The following GPC5 variants were observed in gnomAD, a reference collection of about 807,000 sequenced individuals.
GPC5 encodes glypican-5.
A neutral mutation model predicts 53.9 loss-of-function variants in GPC5; 47 were observed. That is an observed-to-expected ratio of 0.87 (90% CI 0.69 to 1.11). The LOEUF (loss-of-function observed/expected upper bound fraction) is 1.11, where lower values mean the gene tolerates loss of function less well. Among genes scored for constraint, GPC5 ranks in the 50% most tolerant of loss-of-function variants. GPC5 has a pLI of 0.00. For synonymous variants in GPC5, 286 were observed against 263.3 expected, an observed-to-expected ratio of 1.09 and a Z score of -0.84; for missense variants, 748 against 713.1, an observed-to-expected ratio of 1.05 and a Z score of -0.56.
chr13:91,494,873 T>C (rs1219926487), intron 2 of GPC5, among the ~76,000 whole-genome samples: 1 of 152,206 alleles, frequency 6.6e-6, no homozygotes, highest in Non-Finnish European at 1.5e-5. Flanking sequence ...TTCTTACTTA[T>C]TTTCTTCTTT....
intron 7 of GPC5, among the ~76,000 whole-genome samples, chr13:92,174,595 A>T (rs1264163236): frequency 1.3e-5 from 2 of 152,038 alleles, no homozygotes; most frequent in African/African-American, 2.4e-5. Flanking sequence ...TAAATAACTC[A>T]TTACTTCATT....
chr13:92,414,491 C>A (rs1264288830), intron 7 of GPC5, among the ~76,000 whole-genome samples: 4 of 138,956 alleles, frequency 2.9e-5, no homozygotes, highest in African/African-American at 1.1e-4. Context: ...GGCGATAGAG[C>A]GAGACTCTGT....
At chr13:91,503,304 C>T (rs1884749563) in intron 2 of GPC5, among the ~76,000 whole-genome samples, 1 of 151,950 alleles carries the variant, frequency 6.6e-6, no homozygotes, top group South Asian at 2.1e-4. Flanking sequence ...AAAAATGACT[C>T]AAGGAAAGGA....
intron 2 of GPC5, among the ~76,000 whole-genome samples, chr13:91,531,946 C>T (rs760227875): frequency 3.9e-5 from 6 of 152,098 alleles, no homozygotes; most frequent in East Asian, 3.9e-4. Context: ...ATGTGTTACT[C>T]GCAGTGACAT....
At chr13:92,256,201 A>T (rs562647579) in intron 7 of GPC5, among the ~76,000 whole-genome samples, 7 of 151,886 alleles carry the variant, frequency 4.6e-5, no homozygotes, top group Non-Finnish European at 1.0e-4. Flanking sequence ...TTTTTGTAGT[A>T]TAATTACTGA....
At chr13:91,564,617 A>AT (rs2031441757) in intron 2 of GPC5, among the ~76,000 whole-genome samples, 1 of 152,202 alleles carries the variant, frequency 6.6e-6, no homozygotes, top group African/African-American at 2.4e-5. Flanking sequence ...ATGTGGCAGA[A>AT]TAAATCGCCT....
intron 2 of GPC5, among the ~76,000 whole-genome samples, chr13:91,550,073 T>C (rs1471819069): frequency 2.0e-5 from 3 of 152,082 alleles, no homozygotes; most frequent in African/African-American, 4.8e-5. Context: ...AAAAATAAAC[T>C]ATCAAATGGT....
chr13:92,409,301 A>C (rs1875941020), intron 7 of GPC5, among the ~76,000 whole-genome samples: 1 of 151,912 alleles, frequency 6.6e-6, no homozygotes, highest in Non-Finnish European at 1.5e-5. Flanking sequence ...AAAAATACAA[A>C]GAACAATTAA....
intron 7 of GPC5, among the ~76,000 whole-genome samples, chr13:92,746,925 A>T (rs1889254263): frequency 6.6e-6 from 1 of 152,102 alleles, no homozygotes; most frequent in African/African-American, 2.4e-5. Flanking sequence ...AGGTGATGTA[A>T]CCTATTGCAC....
intron 2 of GPC5, among the ~76,000 whole-genome samples, chr13:91,638,026 G>A (rs571328026): frequency 6.6e-6 from 1 of 152,210 alleles, no homozygotes; most frequent in Admixed American, 6.5e-5. Context: ...TCAACAGGCA[G>A]AGAGAAAAAG....
rs538944741 is a variant in GPC5 at position 92,735,750 on chromosome 13, G to A, written c.1562-130532G>A. 5.9e-5 allele frequency among the ~76,000 whole-genome samples: 9 copies of A among 152,050 alleles called. No homozygotes were observed. The South Asian group carries it at 8.3e-4, about 14-fold the overall frequency. On this transcript the variant is annotated intron_variant, in intron 7 of 7. Coordinates refer to ENST00000377067, the MANE Select transcript of GPC5 (RefSeq NM_004466.6). ...CAAGCAAATTACAGTATCAGCTTTC[G>A]CAGCTATCTAATGGGGATTAAAACA... is the stretch of plus-strand genomic sequence containing the variant.
At chr13:92,190,968 T>C (rs2042218950) in intron 7 of GPC5, among the ~76,000 whole-genome samples, 1 of 152,134 alleles carries the variant, frequency 6.6e-6, no homozygotes, top group African/African-American at 2.4e-5. Flanking sequence ...ATGTTGTCTA[T>C]AAAATACCCA....
chr13:92,759,664 G>T (rs549701808), intron 7 of GPC5, among the ~76,000 whole-genome samples: 1 of 151,918 alleles, frequency 6.6e-6, no homozygotes, highest in Non-Finnish European at 1.5e-5. Flanking sequence ...TGCAAATACA[G>T]ATACTTTTAT....
At chr13:92,264,943 C>T (rs2042793117) in intron 7 of GPC5, among the ~76,000 whole-genome samples, 1 of 143,138 alleles carries the variant, frequency 7.0e-6, no homozygotes, top group Admixed American at 7.2e-5. Context: ...CCATTGCATT[C>T]CAGGTTCAAG....
intron 2 of GPC5, among the ~76,000 whole-genome samples, chr13:91,589,036 T>A (rs1362577037): frequency 1.3e-5 from 2 of 152,178 alleles, no homozygotes. Flanking sequence ...AACTCACCAA[T>A]CTGACTTCTA....
chr13:92,342,336 T>C (rs555685677), intron 7 of GPC5, among the ~76,000 whole-genome samples: 3 of 152,294 alleles, frequency 2.0e-5, no homozygotes, highest in Admixed American at 2.0e-4. Context: ...CTGGGGGACA[T>C]TGTTCACAAT....
At chr13:91,441,099 T>G (rs1880386827) in intron 1 of GPC5, among the ~76,000 whole-genome samples, 1 of 152,234 alleles carries the variant, frequency 6.6e-6, no homozygotes, top group African/African-American at 2.4e-5. Flanking sequence ...ACTAATCCCC[T>G]GCTTTTTTTC....
intron 7 of GPC5, among the ~76,000 whole-genome samples, chr13:92,499,179 G>A (rs1019702976): frequency 1.3e-5 from 2 of 152,004 alleles, no homozygotes; most frequent in African/African-American, 4.8e-5. Flanking sequence ...TATAAGTGAA[G>A]AATAACAGTG....
chr13:91,647,046 C>T (rs1436221780), intron 2 of GPC5, among the ~76,000 whole-genome samples: 1 of 150,090 alleles, frequency 6.7e-6, no homozygotes, highest in African/African-American at 2.5e-5. Flanking sequence ...AGAGAAACAA[C>T]TTGCTAAGGA....
Sources: gnomAD v4.1 joint callset for allele counts (sites outside exome capture counted in the v4.1 genomes callset) on GRCh38, gnomAD v4.1.1 for gene constraint, MANE v1.5 for transcripts, NCBI Gene and HGNC (gene_info 2026-07-23, HGNC 2026-07-21) for gene names.